LTBP1: variants seen among roughly 807,000 people sequenced by gnomAD.
LTBP1 encodes the protein latent-transforming growth factor beta-binding protein 1.
In LTBP1, 129 loss-of-function variants were observed where a neutral mutation model predicts 207.6. The ratio of observed to expected loss-of-function variants is 0.62; its 90% CI spans 0.54 to 0.72. The LOEUF is 0.72. Ranked by LOEUF, LTBP1 falls within the 30% of genes least tolerant of loss-of-function variation. LTBP1 has a pLI of 0.00. For missense variants in LTBP1, 2,281 were observed against 2,217.2 expected, an observed-to-expected ratio of 1.03 and a Z score of -0.58; for synonymous variants, 963 against 833.7, an observed-to-expected ratio of 1.16 and a Z score of -2.67.
intron 3 of LTBP1, among the ~76,000 whole-genome samples, chr2:33,071,253 A>G (rs1387072331): frequency 1.3e-5 from 2 of 152,184 alleles, no homozygotes; most frequent in African/African-American, 4.8e-5. Context: ...GGCCTCATTC[A>G]TACCTCACTA....
At chr2:33,051,823 A>G (rs759918048) in intron 3 of LTBP1, among the ~76,000 whole-genome samples, 9 of 152,204 alleles carry the variant, frequency 5.9e-5, no homozygotes, top group Non-Finnish European at 1.2e-4. Flanking sequence ...TAGGCTTACT[A>G]CCATCTAAGT....
chr2:32,977,467 T>TCTTATTGCTTCCAGGCA (rs1681986426), intron 2 of LTBP1, among the ~76,000 whole-genome samples: 1 of 152,104 alleles, frequency 6.6e-6, no homozygotes, highest in Non-Finnish European at 1.5e-5. Context: ...GCTGGAGCAA[T>TCTTATTGCTTCCAGGCA]CTTATTGCTT....
At chr2:33,043,106 T>C (rs1236941271) in intron 3 of LTBP1, among the ~76,000 whole-genome samples, 1 of 152,202 alleles carries the variant, frequency 6.6e-6, no homozygotes, top group African/African-American at 2.4e-5. Context: ...ACCGCTGTTC[T>C]AGAGGGTGAG....
At chr2:33,246,740 AC>A (rs1426695946) in intron 10 of LTBP1, among the ~76,000 whole-genome samples, 2 of 151,418 alleles carry the variant, frequency 1.3e-5, no homozygotes, top group African/African-American at 4.9e-5. Flanking sequence ...ACTGAGATGA[AC>A]CCCCCAGAAT....
intron 10 of LTBP1, among the ~76,000 whole-genome samples, chr2:33,246,202 G>T (rs1470956810): frequency 6.6e-6 from 1 of 152,204 alleles, no homozygotes; most frequent in Non-Finnish European, 1.5e-5. Flanking sequence ...CTCTTTACCA[G>T]TGTTGAGTGA....
At chr2:33,239,501 G>A (rs2092212108) in intron 9 of LTBP1, among the ~76,000 whole-genome samples, 1 of 152,140 alleles carries the variant, frequency 6.6e-6, no homozygotes, top group Non-Finnish European at 1.5e-5. Flanking sequence ...TATAGAGGGA[G>A]AACAAGGAAT....
At chr2:33,254,411 A>T (rs1394540943) in intron 11 of LTBP1, among the ~76,000 whole-genome samples, 1 of 152,074 alleles carries the variant, frequency 6.6e-6, no homozygotes, top group Non-Finnish European at 1.5e-5. Context: ...TGAGATGGTG[A>T]CTGGAACTCA....
At chr2:33,245,201 T>C (rs1351213805) in intron 10 of LTBP1, among the ~76,000 whole-genome samples, 1 of 152,178 alleles carries the variant, frequency 6.6e-6, no homozygotes, top group East Asian at 1.9e-4. Flanking sequence ...TTTTTTAATG[T>C]GGCTTTGGTA....
intron 3 of LTBP1, among the ~76,000 whole-genome samples, chr2:33,041,236 C>G (rs2076166428): frequency 6.6e-6 from 1 of 152,042 alleles, no homozygotes; most frequent in Non-Finnish European, 1.5e-5. Flanking sequence ...TTTATTTTTT[C>G]TAGCTAGATG....
chr2:33,395,276 C>G (rs774253351), intron 32 of LTBP1, among the ~76,000 whole-genome samples: 2 of 152,180 alleles, frequency 1.3e-5, no homozygotes, highest in Non-Finnish European at 2.9e-5. Flanking sequence ...CCGAGTTCCT[C>G]TGATTCAAAT....
At chr2:33,008,509 A>G (rs1435253052) in intron 2 of LTBP1, among the ~76,000 whole-genome samples, 3 of 152,198 alleles carry the variant, frequency 2.0e-5, no homozygotes, top group African/African-American at 7.2e-5. Flanking sequence ...AAAAATTAAC[A>G]CTGTGTGTAA....
In LTBP1 at chr2:33,309,556, G is replaced by T. The variant is rs768211503; in HGVS notation, c.3604G>T (p.Asp1202Tyr). 4.4e-6 allele frequency: 7 copies of T among 1,602,198 alleles called. No individual in the cohort carries two copies. The South Asian group carries it at 5.7e-5, about 13-fold the overall frequency. Residue 1202 changes from aspartate (D) to tyrosine (Y), a missense_variant and splice_region_variant, in exon 23 of 34, where the codon GAT becomes TAT. Asp to Tyr is a radical substitution (Grantham distance 160). Coordinates refer to ENST00000404816, the MANE Select transcript of LTBP1 (RefSeq NM_206943.4). The part of the protein sequence containing the change: ...FQLDDNKTCQ[D>Y]INECEHPGLC... Reference sequence around the variant, plus strand: ...GCTAGATGACAATAAAACATGTCAAGGTATTTCTTGCTCTTTTTTCCCCAG... The same window carrying T: ...GCTAGATGACAATAAAACATGTCAATGTATTTCTTGCTCTTTTTTCCCCAG...
At chr2:33,017,790 G>T (rs219191) in intron 2 of LTBP1, among the ~76,000 whole-genome samples, 1 of 152,102 alleles carries the variant, frequency 6.6e-6, no homozygotes, top group African/African-American at 2.4e-5. Context: ...CTAATTTTTT[G>T]TATTTTTAGT....
chr2:33,305,050 AC>A (rs762621793), intron 22 of LTBP1, among the ~76,000 whole-genome samples: 47 of 152,372 alleles, frequency 3.1e-4, no homozygotes, highest in Non-Finnish European at 5.0e-4. Context: ...GCAGTGGCTC[AC>A]GCCTATAATC....
chr2:33,254,868 T>TTTG (rs2092801014), intron 11 of LTBP1, among the ~76,000 whole-genome samples: 2 of 118,936 alleles, frequency 1.7e-5, no homozygotes, highest in African/African-American at 6.7e-5. Flanking sequence ...TTTTTTTTTT[T>TTTG]TTTTTTTTTT....
At chr2:33,086,617 G>C (rs528362875) in intron 3 of LTBP1, among the ~76,000 whole-genome samples, 1 of 152,240 alleles carries the variant, frequency 6.6e-6, no homozygotes, top group South Asian at 2.1e-4. Flanking sequence ...GTGAACACAG[G>C]GTTCAGCTGT....
intron 2 of LTBP1, among the ~76,000 whole-genome samples, chr2:33,008,305 T>A (rs1199293155): frequency 2.0e-5 from 3 of 152,234 alleles, no homozygotes; most frequent in Non-Finnish European, 2.9e-5. Context: ...TATCATATAG[T>A]CGAGTGAATA....
At chr2:33,265,937 CCTTT>C (rs1442326024) in intron 15 of LTBP1, among the ~76,000 whole-genome samples, 2 of 152,158 alleles carry the variant, frequency 1.3e-5, no homozygotes, top group African/African-American at 2.4e-5. Context: ...TGTTATGGTT[CCTTT>C]CTAATAGAAA....
chr2:33,255,498 C>T (rs2092825574), intron 11 of LTBP1, among the ~76,000 whole-genome samples: 1 of 152,150 alleles, frequency 6.6e-6, no homozygotes, highest in African/African-American at 2.4e-5. Flanking sequence ...ACCCAAATGA[C>T]TATAAATCAT....
Sources: gnomAD v4.1 joint callset for allele counts (sites outside exome capture counted in the v4.1 genomes callset) on GRCh38, gnomAD v4.1.1 for gene constraint, MANE v1.5 for transcripts, NCBI Gene and HGNC (gene_info 2026-07-23, HGNC 2026-07-21) for gene names.